CDON: variants seen among roughly 807,000 people sequenced by gnomAD.
CDON encodes cell adhesion molecule-related/down-regulated by oncogenes.
CDON carries 73 observed loss-of-function variants against 120.9 expected under a neutral mutation model. That is an observed-to-expected ratio of 0.60 (90% CI 0.50 to 0.73). The LOEUF (loss-of-function observed/expected upper bound fraction) is 0.73. CDON is among the 30% of genes least tolerant of loss of function. CDON has a pLI of 0.00. For synonymous variants in CDON, 566 were observed against 573.5 expected, an observed-to-expected ratio of 0.99 and a Z score of 0.19; for missense variants, 1,470 against 1,587.3, an observed-to-expected ratio of 0.93 and a Z score of 1.26.
chr11:126,035,516 C>T (rs1948072076), intron 1 of CDON, among the ~76,000 whole-genome samples: 1 of 152,142 alleles, frequency 6.6e-6, no homozygotes, highest in Admixed American at 6.5e-5. Context: ...TCAGACACAG[C>T]TTCATCAAAG....
chr11:126,031,273 G>A (rs1177709661), intron 1 of CDON, among the ~76,000 whole-genome samples: 1 of 152,164 alleles, frequency 6.6e-6, no homozygotes, highest in Non-Finnish European at 1.5e-5. Flanking sequence ...AAGTAAGGAA[G>A]CAATTAAAAT....
chr11:125,956,868 C>T lies in CDON; in HGVS notation c.*4074G>A, dbSNP rs1945500994. The T allele has an allele frequency of 1.0e-6, 1 of 985,502 alleles. No individual in the cohort carries two copies. The highest frequency in any genetic ancestry group is 1.7e-5 in the African/African-American group (1 of 57,190). The allele number at this position is 985,502 out of a possible 1,614,324, so 61.0% of individuals were successfully genotyped here. A position where few individuals can be genotyped will look rare whatever the true frequency, so the allele number is the denominator to read the frequency against. On this transcript the variant is annotated 3_prime_UTR_variant, in exon 20 of 20. Transcript: ENST00000531738. ...TTTATTAGATAAGGGGTTTCGGCTA[C>T]CCTCAAAGCTCTCAGGACTGGGGCT... is the stretch of plus-strand genomic sequence containing the variant.
intron 1 of CDON, among the ~76,000 whole-genome samples, chr11:126,044,147 G>A (rs750150170): frequency 5.3e-5 from 8 of 152,180 alleles, no homozygotes; most frequent in African/African-American, 1.2e-4. Flanking sequence ...CATAGGAAAC[G>A]ACCTTACACA....
intron 5 of CDON, among the ~76,000 whole-genome samples, 156 bp from the exon 6 acceptor site, chr11:126,017,531 T>C (rs1416190580): frequency 6.6e-6 from 1 of 152,156 alleles, no homozygotes; most frequent in South Asian, 2.1e-4. Flanking sequence ...TTAAAAGATT[T>C]TTGTGGTCCT....
intron 1 of CDON, among the ~76,000 whole-genome samples, chr11:126,032,895 C>T (rs925304429): frequency 2.0e-5 from 3 of 152,064 alleles, no homozygotes; most frequent in Non-Finnish European, 2.9e-5. Context: ...GTAGTCCCAG[C>T]TACTTGGGAG....
intron 7 of CDON, among the ~76,000 whole-genome samples, chr11:126,012,535 G>A (rs1947337148): frequency 6.6e-6 from 1 of 151,424 alleles, no homozygotes; most frequent in Non-Finnish European, 1.5e-5. Flanking sequence ...CTGAGTAGCT[G>A]GGACTACAGG....
intron 1 of CDON, among the ~76,000 whole-genome samples, chr11:126,025,125 A>G (rs1947758959): frequency 6.6e-6 from 1 of 152,160 alleles, no homozygotes; most frequent in African/African-American, 2.4e-5. Context: ...CAATCGCTTG[A>G]ACCTGGAAGG....
At chr11:125,988,379 AT>A (rs946665231) in intron 15 of CDON, among the ~76,000 whole-genome samples, 4 of 151,542 alleles carry the variant, frequency 2.6e-5, no homozygotes, top group African/African-American at 7.3e-5. Flanking sequence ...AAAAAAATGA[AT>A]TTTTTTTTCT....
At chr11:126,010,246 T>C in intron 8 of CDON, 95 bp downstream of exon 8, 1 of 884,628 alleles carries the variant, frequency 1.1e-6, no homozygotes, top group Non-Finnish European at 1.8e-6. Flanking sequence ...ATAGAGAGAT[T>C]GCTGGATTCA....
At chr11:126,017,576 C>G (rs1298717626) in intron 5 of CDON, among the ~76,000 whole-genome samples, 2 of 152,062 alleles carry the variant, frequency 1.3e-5, no homozygotes, top group African/African-American at 2.4e-5. Context: ...TTTGGAAATG[C>G]AGAATTCCCA....
chr11:125,986,531 G>A lies in CDON; in HGVS notation c.2774-2438C>T, dbSNP rs377444008. On this transcript the variant is annotated intron_variant, in intron 15 of 19. Coordinates refer to ENST00000531738, the MANE Select transcript of CDON (RefSeq NM_001378964.1). ...CTGTAGTCCCAGCACTTTGGGAGGC[G>A]GAGCTGGGCGGATAACGAGGTCAGG... 2.0e-4 allele frequency among the ~76,000 whole-genome samples: 30 copies of A among 152,116 alleles called. No individual in the cohort carries two copies. The South Asian group carries it at 4.6e-3, about 23-fold the overall frequency.
chr11:125,983,037 T>A (rs1946359093), intron 16 of CDON, among the ~76,000 whole-genome samples: 2 of 152,172 alleles, frequency 1.3e-5, no homozygotes, highest in African/African-American at 4.8e-5. Flanking sequence ...CCCCCAGAAC[T>A]GGTAACTAAA....
chr11:125,983,626 T>C (rs561882758), intron 16 of CDON, among the ~76,000 whole-genome samples: 1 of 152,264 alleles, frequency 6.6e-6, no homozygotes, highest in East Asian at 1.9e-4. Context: ...AGTCAGCTAT[T>C]TACTTAGAGA....
rs576378529 is a variant in CDON at position 126,032,484 on chromosome 11, A to G, written c.-61-8947T>C. Reference sequence around the variant, plus strand: ...TGTAAAGAACAATATAAATCATATTAAAGTGTTTGGCTTTTATTCTGAGAG... The same window carrying G: ...TGTAAAGAACAATATAAATCATATTGAAGTGTTTGGCTTTTATTCTGAGAG... On this transcript the variant is annotated intron_variant, in intron 1 of 19. Transcript: ENST00000531738. Among the ~76,000 whole-genome samples the G allele has an allele frequency of 3.3e-5, 5 of 152,314 alleles. No individual in the cohort carries two copies. The South Asian group carries it at 1.0e-3, about 32-fold the overall frequency.
In CDON at chr11:126,052,083, A is replaced by G. The variant is rs1948573334; in HGVS notation, c.-62+10496T>C. 2.6e-5 allele frequency among the ~76,000 whole-genome samples: 4 copies of G among 151,844 alleles called. 1 individual carries two copies. The South Asian group carries it at 8.3e-4, about 32-fold the overall frequency. ...GACTCAAAATTGGCTTTAGTTAGCC[A>G]TGGGATTAAAACAAAACAAAACAAA... On this transcript the variant is annotated intron_variant, in intron 1 of 19. Transcript: ENST00000531738.
chr11:126,037,743 T>G (rs1948139481), intron 1 of CDON, among the ~76,000 whole-genome samples: 2 of 152,178 alleles, frequency 1.3e-5, no homozygotes, highest in African/African-American at 4.8e-5. Context: ...GTTGGTAGTC[T>G]AAATGGATTT....
intron 18 of CDON, among the ~76,000 whole-genome samples, chr11:125,962,381 G>A (rs961671662): frequency 6.6e-6 from 1 of 152,142 alleles, no homozygotes; most frequent in Non-Finnish European, 1.5e-5. Context: ...AGGAAGAGGA[G>A]GACAGGAAGC....
In CDON at chr11:126,005,642, G is replaced by GTC. The variant is rs1410952613; in HGVS notation, c.1851+115_1851+116dup. The GTC allele has an allele frequency of 3.2e-6, 3 of 948,846 alleles. No homozygotes were observed. The Admixed American group carries it at 5.3e-5, about 17-fold the overall frequency. 58.8% of individuals were successfully genotyped at this position (948,846 alleles called of 1,614,324 possible). ...TGGGATCTCTCTGACAAACTCATCA[G>GTC]TCTGGAAGACTCTTGTTCTGTTTCC... On this transcript the variant is annotated intron_variant, in intron 9 of 19. Transcript: ENST00000531738.
At chr11:126,041,023 C>T (rs1325923544) in intron 1 of CDON, among the ~76,000 whole-genome samples, 2 of 150,198 alleles carry the variant, frequency 1.3e-5, no homozygotes, top group Non-Finnish European at 3.0e-5. Flanking sequence ...AACCCGTCTC[C>T]ACTAAAAATA....
Sources: gnomAD v4.1 joint callset for allele counts (sites outside exome capture counted in the v4.1 genomes callset) on GRCh38, gnomAD v4.1.1 for gene constraint, MANE v1.5 for transcripts, NCBI Gene and HGNC (gene_info 2026-07-23, HGNC 2026-07-21) for gene names.